Variants in FIP1L1 observed in about 807,000 individuals in gnomAD.
FIP1L1 encodes pre-mRNA 3'-end-processing factor FIP1.
In FIP1L1, 21 loss-of-function variants were observed where a neutral mutation model predicts 84.6. That is an observed-to-expected ratio of 0.25 (90% CI 0.18 to 0.36). The LOEUF (loss-of-function observed/expected upper bound fraction) is 0.36. FIP1L1 is among the 10% of genes least tolerant of loss of function. The probability of loss-of-function intolerance (pLI) is 1.00; values close to 1 mark genes in which losing one functional copy is unlikely to be tolerated. For synonymous variants in FIP1L1, 263 were observed against 242.3 expected (o/e 1.09, Z -0.80); for missense variants, 526 against 751.1 (o/e 0.70, Z 3.50).
intron 10 of FIP1L1, among the ~76,000 whole-genome samples, chr4:53,413,347 T>C (rs764798137): frequency 6.6e-6 from 1 of 152,104 alleles, no homozygotes; most frequent in Non-Finnish European, 1.5e-5. Context: ...GGCATCCTTA[T>C]TTCCAGGCCT....
intron 10 of FIP1L1, among the ~76,000 whole-genome samples, chr4:53,407,640 G>C (rs1279116284): frequency 6.6e-6 from 1 of 152,126 alleles, no homozygotes; most frequent in Non-Finnish European, 1.5e-5. Context: ...TTGTATGGGA[G>C]TCTAAGTCTC....
intron 13 of FIP1L1, among the ~76,000 whole-genome samples, chr4:53,430,022 T>A (rs1240804795): frequency 6.6e-6 from 1 of 152,206 alleles, no homozygotes; most frequent in Non-Finnish European, 1.5e-5. Flanking sequence ...TAAGCGAGAT[T>A]GTGCAGTAAT....
At position 53,459,876 on chromosome 4, in the gene FIP1L1, A is replaced by G. The variant is rs2150527292; in HGVS notation, c.*427A>G. 1 of 236,096 alleles carries G rather than the reference A, an allele frequency of 4.2e-6. No homozygotes were observed. The highest frequency in any genetic ancestry group is 8.3e-6 in the Non-Finnish European group (1 of 120,218). The allele number at this position is 236,096 out of a possible 1,614,324, so 14.6% of individuals were successfully genotyped here. A position where few individuals can be genotyped will look rare whatever the true frequency, so the allele number is the denominator to read the frequency against. ...AGGCTTGAGATTAAAACTAGTCTTT[A>G]TCATTACTGCTGTGACACTCTTGCT... On this transcript the variant is annotated 3_prime_UTR_variant, in exon 18 of 18. Coordinates refer to ENST00000337488, the MANE Select transcript of FIP1L1 (RefSeq NM_030917.4).
intron 10 of FIP1L1, among the ~76,000 whole-genome samples, chr4:53,413,140 C>T (rs1052563006): frequency 6.6e-6 from 1 of 151,594 alleles, no homozygotes; most frequent in African/African-American, 2.4e-5. Flanking sequence ...GCTCTGTGAC[C>T]TTTGATATGT....
At chr4:53,454,495 A>G (rs1372817053) in intron 16 of FIP1L1, among the ~76,000 whole-genome samples, 1 of 152,212 alleles carries the variant, frequency 6.6e-6, no homozygotes, top group Non-Finnish European at 1.5e-5. Context: ...CTTTAATGAG[A>G]AGGAGGAGCT....
At chr4:53,409,694 G>A (rs1413954309) in intron 10 of FIP1L1, among the ~76,000 whole-genome samples, 3 of 152,236 alleles carry the variant, frequency 2.0e-5, no homozygotes, top group Non-Finnish European at 2.9e-5. Flanking sequence ...CTGGGCAATG[G>A]CGGGCGCCCC....
At chr4:53,391,279 TC>T in intron 8 of FIP1L1, 140 bp downstream of exon 8, 3 of 1,184,364 alleles carry the variant, frequency 2.5e-6, no homozygotes, top group Non-Finnish European at 3.6e-6. Context: ...TGTTTGTTTT[TC>T]CCTTCCCTCC....
intron 13 of FIP1L1, among the ~76,000 whole-genome samples, chr4:53,442,073 T>G (rs971164121): frequency 1.3e-5 from 2 of 152,136 alleles, no homozygotes; most frequent in Admixed American, 6.5e-5. Flanking sequence ...ACAAATTATA[T>G]TCCTTCCAAA....
At chr4:53,383,648 TGA>T in intron 4 of FIP1L1, 123 bp from the exon 5 acceptor site, 1 of 904,468 alleles carries the variant, frequency 1.1e-6, no homozygotes, top group Non-Finnish European at 1.6e-6. Flanking sequence ...GGCGACAAAG[TGA>T]GAGTCTGTCT....
chr4:53,420,651 C>T (rs950400615), intron 11 of FIP1L1, among the ~76,000 whole-genome samples: 6 of 151,926 alleles, frequency 3.9e-5, no homozygotes, highest in Admixed American at 3.3e-4. Flanking sequence ...AATATATTTT[C>T]TTTATAAATT....
chr4:53,460,517 A>T lies in FIP1L1; in HGVS notation c.*1068A>T, dbSNP rs977624026. ...GCAACGTTTCTCAGCAATGCATTTT[A>T]AAAAATATTTTAGCTGTAAATTAAA... On this transcript the variant is annotated 3_prime_UTR_variant, in exon 18 of 18. Transcript: ENST00000337488. The T allele has an allele frequency of 4.9e-6, 1 of 205,110 alleles. No homozygotes were observed. Among genetic ancestry groups the T allele is most frequent in the Non-Finnish European group, 9.9e-6 (1 of 100,882 alleles). The allele number at this position is 205,110 out of a possible 1,614,324, so 12.7% of individuals were successfully genotyped here.
intron 1 of FIP1L1, 141 bp downstream of exon 1, chr4:53,378,064 G>A: frequency 2.9e-6 from 2 of 680,172 alleles, no homozygotes; most frequent in East Asian, 6.7e-5. Flanking sequence ...TAGGCCGAGC[G>A]CGGCGTGCGC....
intron 12 of FIP1L1, among the ~76,000 whole-genome samples, chr4:53,427,293 T>C (rs1764710397): frequency 6.6e-6 from 1 of 152,158 alleles, no homozygotes; most frequent in Non-Finnish European, 1.5e-5. Context: ...CTTTCCCAAA[T>C]TTATTTACAC....
At chr4:53,418,057 G>C (rs914662378) in intron 11 of FIP1L1, among the ~76,000 whole-genome samples, 6 of 152,170 alleles carry the variant, frequency 3.9e-5, no homozygotes, top group African/African-American at 1.2e-4. Context: ...GGGAAGCTGA[G>C]GTGGGTGGAT....
Position 53,377,828 on chromosome 4 carries a change from T to G in FIP1L1, c.-11T>G, listed in dbSNP as rs1486057674. On this transcript the variant is annotated 5_prime_UTR_variant, in exon 1 of 18. Transcript: ENST00000337488. ...GTTGATCGCCGCGTTTAAGTTGCGC[T>G]CGGGGCGGCCATGTCGGCCGGCGAG... is the stretch of plus-strand genomic sequence containing the variant. 2 of 1,559,844 alleles carry G rather than the reference T, an allele frequency of 1.3e-6. No individual in the cohort carries two copies. The highest frequency in any genetic ancestry group is 1.7e-6 in the Non-Finnish European group (2 of 1,151,930).
At chr4:53,429,290 T>G (rs1217855490) in intron 13 of FIP1L1, among the ~76,000 whole-genome samples, 1 of 152,200 alleles carries the variant, frequency 6.6e-6, no homozygotes, top group African/African-American at 2.4e-5. Context: ...GAATATAGGT[T>G]AGAGGTCCTT....
chr4:53,396,471 T>C (rs548205643), intron 9 of FIP1L1, among the ~76,000 whole-genome samples: 21 of 152,146 alleles, frequency 1.4e-4, no homozygotes, highest in Non-Finnish European at 2.5e-4. Context: ...AGTGGCGCGA[T>C]CTTGGCTCAC....
intron 15 of FIP1L1, among the ~76,000 whole-genome samples, chr4:53,444,998 C>T (rs1398377940): frequency 3.3e-5 from 5 of 152,050 alleles, no homozygotes; most frequent in African/African-American, 1.2e-4. Flanking sequence ...AGAGGGGTCT[C>T]CTACTCCAGA....
In FIP1L1 at chr4:53,382,146, A is replaced by AT. The variant is rs566644126; in HGVS notation, c.171-128dup. The AT allele has an allele frequency of 4.2e-4, 257 of 607,702 alleles. 1 individual carries two copies. The East Asian group carries it at 5.6e-3, about 13-fold the overall frequency. The allele number at this position is 607,702 out of a possible 1,614,324, so 37.6% of individuals were successfully genotyped here. On this transcript the variant is annotated intron_variant, in intron 3 of 17. Coordinates refer to ENST00000337488, the MANE Select transcript of FIP1L1 (RefSeq NM_030917.4). ...AGAAATAACGGAATAAGACAGTCAG[A>AT]TTTTACCATTACTGTCTCCAGTGGA...
Sources: allele counts gnomAD v4.1 joint callset (sites outside exome capture counted in the v4.1 genomes callset), GRCh38; gene constraint gnomAD v4.1.1; transcripts MANE v1.5; gene names NCBI Gene and HGNC (gene_info 2026-07-23, HGNC 2026-07-21).